RASSF3: variants seen among roughly 807,000 people sequenced by gnomAD.
RASSF3 encodes ras association domain-containing protein 3.
A neutral mutation model predicts 19.9 loss-of-function variants in RASSF3; 19 were observed. The ratio of observed to expected loss-of-function variants is 0.96; its 90% CI spans 0.67 to 1.40. The LOEUF is 1.40. RASSF3 is among the 40% of genes most tolerant of loss of function. The pLI, the probability that RASSF3 is intolerant of heterozygous loss-of-function variation, is 0.00. For synonymous variants in RASSF3, 110 were observed against 104.2 expected (o/e 1.06, Z -0.34); for missense variants, 306 against 289.8 (o/e 1.06, Z -0.41).
At chr12:64,526,103 C>T (rs1868580853) in intron 1 of RASSF3, among the ~76,000 whole-genome samples, 1 of 152,160 alleles carries the variant, frequency 6.6e-6, no homozygotes, top group African/African-American at 2.4e-5. Context: ...TACTGCTTTC[C>T]CACACTCGGA....
intron 2 of RASSF3, among the ~76,000 whole-genome samples, chr12:64,599,859 C>T (rs377578351): frequency 6.6e-5 from 10 of 151,534 alleles, no homozygotes; most frequent in South Asian, 2.1e-4. Flanking sequence ...GGTGAAACCC[C>T]GTCTCTACTA....
Position 64,570,755 on chromosome 12 carries a change from G to A in RASSF3, c.294+29050G>A, listed in dbSNP as rs114817400. On this transcript the variant is annotated intron_variant, in intron 2 of 5. Transcript: ENST00000637125. ...GAATCGAAGCTGCTTTTGGATTAATGTCAGTTGCAGCATTTCTCACGAGCT... is the reference window on the plus strand; with the variant it reads ...GAATCGAAGCTGCTTTTGGATTAATATCAGTTGCAGCATTTCTCACGAGCT... 6.3e-3 allele frequency among the ~76,000 whole-genome samples: 960 copies of A among 152,200 alleles called. 13 individuals are homozygous for A. The highest frequency in any genetic ancestry group is 0.022 in the African/African-American group (901 of 41,524).
At chr12:64,516,372 C>A (rs950955752) in intron 1 of RASSF3, among the ~76,000 whole-genome samples, 2 of 152,102 alleles carry the variant, frequency 1.3e-5, no homozygotes, top group Admixed American at 6.6e-5. Context: ...GTAATCCCAG[C>A]ACTTTGGGAG....
intron 1 of RASSF3, among the ~76,000 whole-genome samples, chr12:64,675,369 C>T (rs575451401): frequency 2.6e-5 from 4 of 152,070 alleles, no homozygotes; most frequent in East Asian, 3.9e-4. Context: ...AGGTTGGTCT[C>T]GAACTCCTGG....
intron 1 of RASSF3, among the ~76,000 whole-genome samples, chr12:64,541,130 C>A (rs1331749639): frequency 6.6e-6 from 1 of 150,520 alleles, no homozygotes; most frequent in East Asian, 2.0e-4. Flanking sequence ...GGACTATAGG[C>A]ACCCACCACC....
intron 1 of RASSF3, among the ~76,000 whole-genome samples, chr12:64,669,733 T>C (rs1015151138): frequency 6.6e-6 from 1 of 151,798 alleles, no homozygotes; most frequent in Admixed American, 6.6e-5. Flanking sequence ...CTGACCGCAG[T>C]GCTGAGGAAA....
upstream of RASSF3, among the ~76,000 whole-genome samples, chr12:64,533,094 T>C (rs556417901): frequency 5.3e-5 from 8 of 152,266 alleles, no homozygotes; most frequent in African/African-American, 1.9e-4. Context: ...GCAGAGCTGC[T>C]GAGCATGCTG....
rs966309632 is a variant in RASSF3 at position 64,697,144 on chromosome 12, G to A, written c.*2232G>A. On this transcript the variant is annotated 3_prime_UTR_variant, in exon 5 of 5. Transcript: ENST00000542104. ...ATATTTACCCAAAACCTCGCTTACT[G>A]TCATGTGCACTACAAATTGCAATTT... The A allele has an allele frequency of 6.9e-6, 1 of 144,924 alleles. No individual in the cohort carries two copies. The highest frequency in any genetic ancestry group is 2.6e-5 in the African/African-American group (1 of 38,788). 9.0% of individuals were successfully genotyped at this position (144,924 alleles called of 1,614,324 possible). A position where few individuals can be genotyped will look rare whatever the true frequency, so the allele number is the denominator to read the frequency against.
chr12:64,551,904 G>C (rs1002029222), intron 2 of RASSF3, among the ~76,000 whole-genome samples: 2 of 152,132 alleles, frequency 1.3e-5, no homozygotes, highest in African/African-American at 4.8e-5. Context: ...TTTTCTGTGA[G>C]ACTGAGAGAT....
At chr12:64,525,932 C>A (rs1485019080) in intron 1 of RASSF3, among the ~76,000 whole-genome samples, 1 of 152,154 alleles carries the variant, frequency 6.6e-6, no homozygotes, top group African/African-American at 2.4e-5. Flanking sequence ...TGCAAAGAGT[C>A]TCAAGTGGGA....
At chr12:64,580,737 TC>T (rs1869681101) in intron 2 of RASSF3, among the ~76,000 whole-genome samples, 1 of 152,112 alleles carries the variant, frequency 6.6e-6, no homozygotes, top group Non-Finnish European at 1.5e-5. Context: ...ATCCTTGGCA[TC>T]CCTGGCTTGC....
In RASSF3 at chr12:64,697,060, A is replaced by ATTTTT. The variant is rs60256040; in HGVS notation, c.*2166_*2170dup. 7.4e-6 allele frequency: 1 copy of ATTTTT among 134,752 alleles called. No homozygotes were observed. Among genetic ancestry groups the ATTTTT allele is most frequent in the Non-Finnish European group, 1.6e-5 (1 of 62,338 alleles). 8.3% of individuals were successfully genotyped at this position (134,752 alleles called of 1,614,324 possible). ...AGTAGTAGCTGATGGGTATCTGTGA[A>ATTTTT]TTTTTTTTTTTTTTTTTTTTTTACT... On this transcript the variant is annotated 3_prime_UTR_variant, in exon 5 of 5. Transcript: ENST00000542104.
intron 2 of RASSF3, among the ~76,000 whole-genome samples, chr12:64,572,334 G>A (rs985747691): frequency 7.2e-5 from 11 of 152,120 alleles, no homozygotes; most frequent in Non-Finnish European, 1.3e-4. Context: ...AGAGCTTGCT[G>A]TCACTGGCAT....
chr12:64,684,841 G>A lies in RASSF3; in HGVS notation c.166G>A (p.Glu56Lys). Residue 56 changes from glutamate to lysine, a missense_variant, in exon 2 of 5, where the codon GAG becomes AAG. Physicochemically the swap from Glu to Lys is moderately conservative, Grantham distance 56. Coordinates refer to ENST00000542104, the MANE Select transcript of RASSF3 (RefSeq NM_178169.4). Reference protein sequence around the residue: ...HSYLSKEEIKEKVHKYNLAVT... With the variant: ...HSYLSKEEIKKKVHKYNLAVT... ...TTACCTCAGCAAAGAGGAGATCAAA[G>A]AGAAAGTTCATAAATACAACTTAGC... is the stretch of plus-strand genomic sequence containing the variant. The A allele has an allele frequency of 6.2e-7, 1 of 1,613,876 alleles. No individual in the cohort carries two copies. Among genetic ancestry groups the A allele is most frequent in the Non-Finnish European group, 8.5e-7 (1 of 1,179,808 alleles).
At chr12:64,558,212 G>A (rs1166111148) in intron 2 of RASSF3, among the ~76,000 whole-genome samples, 3 of 152,126 alleles carry the variant, frequency 2.0e-5, no homozygotes, top group South Asian at 2.1e-4. Flanking sequence ...GAGAGTTCAC[G>A]CATTGGGATG....
chr12:64,607,401 C>A (rs1041951267), upstream of RASSF3, among the ~76,000 whole-genome samples: 4 of 151,838 alleles, frequency 2.6e-5, no homozygotes, highest in African/African-American at 9.7e-5. Context: ...GCAGAGTCTC[C>A]CTGTGTCGCC....
intron 1 of RASSF3, among the ~76,000 whole-genome samples, chr12:64,658,927 A>G (rs1263608023): frequency 6.6e-6 from 1 of 152,170 alleles, no homozygotes; most frequent in Non-Finnish European, 1.5e-5. Flanking sequence ...AAAATTAGCC[A>G]GGTGTGGTGA....
At chr12:64,684,918 G>C (rs766584269) in intron 2 of RASSF3, 24 bp downstream of exon 2, 3 of 1,316,484 alleles carry the variant, frequency 2.3e-6, no homozygotes, top group South Asian at 2.4e-5. Context: ...ATACTATTTA[G>C]GTTGACACCT....
chr12:64,635,271 T>C (rs538523283), intron 1 of RASSF3, among the ~76,000 whole-genome samples: 2 of 152,224 alleles, frequency 1.3e-5, no homozygotes, highest in African/African-American at 2.4e-5. Flanking sequence ...TTTCATAATA[T>C]TCATTTTCCT....
Sources: gnomAD v4.1 joint callset for allele counts (sites outside exome capture counted in the v4.1 genomes callset) on GRCh38, gnomAD v4.1.1 for gene constraint, MANE v1.5 for transcripts, NCBI Gene and HGNC (gene_info 2026-07-23, HGNC 2026-07-21) for gene names.